Variants in UBE2V2 observed in about 807,000 individuals in gnomAD.
The protein encoded by UBE2V2 is ubiquitin-conjugating enzyme E2 variant 2.
UBE2V2 carries 9 observed loss-of-function variants against 17.2 expected under a neutral mutation model. The ratio of observed to expected loss-of-function variants is 0.52; its 90% CI spans 0.32 to 0.91. The LOEUF is 0.91. UBE2V2 is among the 40% of genes least tolerant of loss of function. The pLI is 0.04. For synonymous variants in UBE2V2, 61 were observed against 57.5 expected, an observed-to-expected ratio of 1.06 and a Z score of -0.28; for missense variants, 133 against 182.6, an observed-to-expected ratio of 0.73 and a Z score of 1.56.
At chr8:48,007,186 T>C (rs143413324), upstream of UBE2V2, among the ~76,000 whole-genome samples, 102 of 152,158 alleles carry the variant, frequency 6.7e-4, 1 homozygote, top group East Asian at 0.017. Context: ...AGCATTCCCT[T>C]TGAAAGCCGG....
At chr8:48,021,371 A>G (rs767681701) in intron 1 of UBE2V2, among the ~76,000 whole-genome samples, 29 of 148,024 alleles carry the variant, frequency 2.0e-4, no homozygotes, top group Non-Finnish European at 4.1e-4. Flanking sequence ...CAGTGGTGCA[A>G]TCTTGGCTCA....
chr8:48,038,399 C>A (rs1189569974), intron 1 of UBE2V2, among the ~76,000 whole-genome samples: 2 of 152,092 alleles, frequency 1.3e-5, no homozygotes, highest in African/African-American at 4.8e-5. Flanking sequence ...CTTACTACAA[C>A]CTCTGCTTCC....
chr8:48,028,105 G>C (rs1589855311), intron 1 of UBE2V2, among the ~76,000 whole-genome samples: 3 of 152,072 alleles, frequency 2.0e-5, no homozygotes, highest in African/African-American at 7.2e-5. Context: ...GCCTGCCTTG[G>C]CCTCCCAAAG....
chr8:48,008,406 C>T (rs1011675996), upstream of UBE2V2: 2 of 1,554,116 alleles, frequency 1.3e-6, no homozygotes, highest in East Asian at 2.7e-5. Flanking sequence ...AAGTGACGCG[C>T]GACGGTTCGT....
chr8:48,051,081 A>C (rs1006176338), intron 3 of UBE2V2, among the ~76,000 whole-genome samples: 1 of 152,114 alleles, frequency 6.6e-6, no homozygotes, highest in Non-Finnish European at 1.5e-5. Flanking sequence ...TCCTGACCTC[A>C]AGTGATCTGC....
At chr8:48,020,211 A>G (rs1369622708) in intron 1 of UBE2V2, among the ~76,000 whole-genome samples, 2 of 151,860 alleles carry the variant, frequency 1.3e-5, no homozygotes, top group Non-Finnish European at 2.9e-5. Context: ...AATTTTTTAT[A>G]TTTTTTGTAG....
intron 1 of UBE2V2, among the ~76,000 whole-genome samples, chr8:48,033,802 A>G (rs903148206): frequency 1.1e-4 from 16 of 152,044 alleles, no homozygotes; most frequent in African/African-American, 3.9e-4. Flanking sequence ...TACAAAAAAT[A>G]CAAAAATTAC....
intron 1 of UBE2V2, among the ~76,000 whole-genome samples, chr8:48,035,954 T>C (rs2091422051): frequency 1.5e-5 from 2 of 130,422 alleles, no homozygotes; most frequent in South Asian, 2.3e-4. Context: ...CTTTCTTTTT[T>C]TTTTTTTTTT....
chr8:48,008,720 C>T, intron 1 of UBE2V2: 1 of 194,074 alleles, frequency 5.2e-6, no homozygotes, highest in Non-Finnish European at 9.5e-6. Context: ...GGCTCCCGCG[C>T]GGGCGCCCCC....
rs2091523434 is a variant in UBE2V2 at position 48,049,838 on chromosome 8, T to A, written c.166-15T>A. Reference sequence around the variant, plus strand: ...TATTGTTATTTTGATTATCTTTTTGTTTTTTGCCTTCCAGACAAATTATGA... The same window carrying A: ...TATTGTTATTTTGATTATCTTTTTGATTTTTGCCTTCCAGACAAATTATGA... On this transcript the variant is annotated splice_polypyrimidine_tract_variant and intron_variant, in intron 2 of 3. Transcript: ENST00000523111. The A allele has an allele frequency of 1.3e-6, 2 of 1,590,268 alleles. No homozygotes were observed. The highest frequency in any genetic ancestry group is 1.7e-6 in the Non-Finnish European group (2 of 1,172,194).
At chr8:48,059,675 C>T (rs1193170159) in intron 3 of UBE2V2, among the ~76,000 whole-genome samples, 4 of 151,952 alleles carry the variant, frequency 2.6e-5, no homozygotes, top group African/African-American at 7.3e-5. Flanking sequence ...CCTCCCAAAA[C>T]GTTGGGATTA....
upstream of UBE2V2, among the ~76,000 whole-genome samples, chr8:48,004,539 T>G (rs1035346926): frequency 6.8e-5 from 10 of 147,250 alleles, no homozygotes; most frequent in Admixed American, 2.0e-4. Context: ...TGTTTTTTTG[T>G]TTTTTTTTTG....
At chr8:48,056,790 C>CT (rs2091574760) in intron 3 of UBE2V2, among the ~76,000 whole-genome samples, 1 of 152,156 alleles carries the variant, frequency 6.6e-6, no homozygotes, top group Non-Finnish European at 1.5e-5. Context: ...GTGGTGCGAT[C>CT]TTGGCTCACT....
intron 2 of UBE2V2, chr8:48,043,423 A>G (rs1404908958): frequency 3.4e-6 from 1 of 298,386 alleles, no homozygotes; most frequent in Non-Finnish European, 6.1e-6. Context: ...TAAGGGAGAA[A>G]AAATCAGTAC....
In UBE2V2 at chr8:48,019,249, C is replaced by A. The variant is rs189800161; in HGVS notation, c.16+10779C>A. On this transcript the variant is annotated intron_variant, in intron 1 of 3. Coordinates refer to ENST00000523111, the MANE Select transcript of UBE2V2 (RefSeq NM_003350.3). ...GTGTGGTGGCGGGCGCCTGTGACCC[C>A]AGCTACTTGGGAGGCTGAGGCAGAG... Among the ~76,000 whole-genome samples the A allele has an allele frequency of 3.8e-3, 572 of 152,274 alleles. 1 individual carries two copies. The highest frequency in any genetic ancestry group is 6.6e-3 in the Non-Finnish European group (446 of 68,022).
At chr8:48,034,575 C>T (rs2091408036) in intron 1 of UBE2V2, among the ~76,000 whole-genome samples, 2 of 141,698 alleles carry the variant, frequency 1.4e-5, no homozygotes, top group South Asian at 2.5e-4. Flanking sequence ...CCCACCCCCC[C>T]TTTTTTTTTA....
chr8:48,018,761 C>T (rs2091285627), intron 1 of UBE2V2, among the ~76,000 whole-genome samples: 1 of 152,116 alleles, frequency 6.6e-6, no homozygotes, highest in African/African-American at 2.4e-5. Context: ...TGAAAATCTC[C>T]TACTGTTACT....
the UBE2V2 span, among the ~76,000 whole-genome samples, chr8:47,999,035 C>T: frequency 6.6e-6 from 1 of 152,278 alleles, no homozygotes; most frequent in African/African-American, 2.4e-5. Flanking sequence ...CCACAACCTT[C>T]CCCTATGCGG....
At chr8:48,008,738 C>A (rs1383669343) in intron 1 of UBE2V2, among the ~76,000 whole-genome samples, 3 of 151,050 alleles carry the variant, frequency 2.0e-5, no homozygotes, top group Non-Finnish European at 3.0e-5. Context: ...CCCGTAGGTT[C>A]CGGCGGGCGC....
Sources: allele counts gnomAD v4.1 joint callset (sites outside exome capture counted in the v4.1 genomes callset), GRCh38; gene constraint gnomAD v4.1.1; transcripts MANE v1.5; gene names NCBI Gene and HGNC (gene_info 2026-07-23, HGNC 2026-07-21).